SEMA3C: variants seen among roughly 807,000 people sequenced by gnomAD.
SEMA3C encodes the protein semaphorin 3C.
A neutral mutation model predicts 89.4 loss-of-function variants in SEMA3C; 47 were observed. The ratio of observed to expected loss-of-function variants is 0.53; its 90% CI spans 0.42 to 0.67. The LOEUF (loss-of-function observed/expected upper bound fraction) is 0.67. Among genes scored for constraint, SEMA3C ranks in the 30% least tolerant of loss-of-function variants. SEMA3C has a pLI of 0.00. For missense variants in SEMA3C, 839 were observed against 929.1 expected, an observed-to-expected ratio of 0.90 and a Z score of 1.26; for synonymous variants, 310 against 320.2, an observed-to-expected ratio of 0.97 and a Z score of 0.34.
At chr7:80,772,958 C>T (rs964227091) in intron 12 of SEMA3C, among the ~76,000 whole-genome samples, 1 of 152,022 alleles carries the variant, frequency 6.6e-6, no homozygotes, top group African/African-American at 2.4e-5. Flanking sequence ...CCACATCACA[C>T]CACAGACATA....
At chr7:80,766,943 C>T (rs908708820) in intron 12 of SEMA3C, among the ~76,000 whole-genome samples, 1 of 152,186 alleles carries the variant, frequency 6.6e-6, no homozygotes, top group African/African-American at 2.4e-5. Context: ...TGCTGGCAGG[C>T]CACCATGCCT....
chr7:80,845,907 C>T (rs1790377811), intron 2 of SEMA3C, among the ~76,000 whole-genome samples: 1 of 152,088 alleles, frequency 6.6e-6, no homozygotes, highest in South Asian at 2.1e-4. Flanking sequence ...TCACTCTGTC[C>T]CATTTGAAAT....
At chr7:80,830,656 G>T (rs1238048430) in intron 2 of SEMA3C, among the ~76,000 whole-genome samples, 2 of 152,086 alleles carry the variant, frequency 1.3e-5, no homozygotes, top group African/African-American at 2.4e-5. Flanking sequence ...CAAAAGACAG[G>T]TCATTAATAA....
chr7:80,822,027 T>C (rs1195287923), intron 4 of SEMA3C, among the ~76,000 whole-genome samples: 2 of 152,210 alleles, frequency 1.3e-5, no homozygotes, highest in African/African-American at 4.8e-5. Flanking sequence ...GTTCTTTCCA[T>C]TTCCATTGTG....
chr7:80,753,108 G>T (rs1787974924), intron 15 of SEMA3C, among the ~76,000 whole-genome samples: 1 of 152,076 alleles, frequency 6.6e-6, no homozygotes, highest in Non-Finnish European at 1.5e-5. Flanking sequence ...GGTAGAATAG[G>T]TATAAAATTT....
intron 2 of SEMA3C, among the ~76,000 whole-genome samples, chr7:80,866,351 T>A (rs1414741946): frequency 2.0e-5 from 3 of 152,112 alleles, no homozygotes; most frequent in African/African-American, 7.2e-5. Flanking sequence ...ATTTACACAA[T>A]AAAAACCATA....
Position 80,818,420 on chromosome 7 carries a change from T to G in SEMA3C, c.328-2A>C. The G allele has an allele frequency of 1.2e-6, 2 of 1,611,900 alleles. No individual in the cohort carries two copies. Among genetic ancestry groups the G allele is most frequent in the South Asian group, 1.1e-5 (1 of 91,002 alleles). On this transcript the variant is annotated splice_acceptor_variant, in intron 4 of 17. Coordinates refer to ENST00000265361, the MANE Select transcript of SEMA3C (RefSeq NM_006379.5). LOFTEE classifies it high-confidence loss of function. ...ACGGACAAAGTTCCCACAGCCGTGC[T>G]AAAAGAATCAGTAAATAAGCAGTTA...
At chr7:80,920,072 G>C (rs1440095872), upstream of SEMA3C, among the ~76,000 whole-genome samples, 2 of 152,178 alleles carry the variant, frequency 1.3e-5, no homozygotes, top group Non-Finnish European at 2.9e-5. Flanking sequence ...ACAATTCTAT[G>C]TGGAGAGGCT....
At chr7:80,831,456 A>G (rs1203755233) in intron 2 of SEMA3C, among the ~76,000 whole-genome samples, 1 of 152,240 alleles carries the variant, frequency 6.6e-6, no homozygotes, top group Non-Finnish European at 1.5e-5. Flanking sequence ...GGGGCAAGAC[A>G]TCAATCTTCA....
intron 2 of SEMA3C, among the ~76,000 whole-genome samples, chr7:80,829,493 T>G (rs1398579869): frequency 6.6e-6 from 1 of 152,178 alleles, no homozygotes; most frequent in Non-Finnish European, 1.5e-5. Context: ...CTACAAATAT[T>G]TGCCTTGCTT....
rs536007882 is a variant in SEMA3C, at chr7:80,823,219, C to T, written c.327+4206G>A. On this transcript the variant is annotated intron_variant, in intron 4 of 17. Coordinates refer to ENST00000265361, the MANE Select transcript of SEMA3C (RefSeq NM_006379.5). ...GATATAGCATTAACTGTGTACTATGCACTGCTCTAAGCTCTCTGCAAATAT... is the reference window on the plus strand; with the variant it reads ...GATATAGCATTAACTGTGTACTATGTACTGCTCTAAGCTCTCTGCAAATAT... 7.9e-5 allele frequency among the ~76,000 whole-genome samples: 12 copies of T among 152,276 alleles called. No individual in the cohort carries two copies. In the South Asian group the frequency reaches 1.9e-3, roughly 24 times the overall value.
intron 2 of SEMA3C, among the ~76,000 whole-genome samples, chr7:80,863,942 A>C (rs73374831): frequency 0.082 from 11,479 of 139,444 alleles, 694 homozygotes; most frequent in East Asian, 0.16. Context: ...TCACATATAT[A>C]ATATGTATAT....
intron 3 of SEMA3C, 127 bp from the exon 4 acceptor site, chr7:80,827,614 CT>C: frequency 1.9e-6 from 1 of 534,382 alleles, no homozygotes; most frequent in Non-Finnish European, 3.0e-6. Flanking sequence ...AAAATTCTTT[CT>C]TTTTTATCAA....
At chr7:80,875,774 G>A (rs1227221373) in intron 2 of SEMA3C, among the ~76,000 whole-genome samples, 1 of 151,612 alleles carries the variant, frequency 6.6e-6, no homozygotes, top group African/African-American at 2.4e-5. Flanking sequence ...GCCCCAAAGT[G>A]CAAGAGTAGT....
intron 2 of SEMA3C, among the ~76,000 whole-genome samples, chr7:80,851,780 G>A (rs780519110): frequency 4.0e-5 from 6 of 150,938 alleles, no homozygotes; most frequent in South Asian, 2.1e-4. Context: ...GATGTCAAGT[G>A]ATAAAGAAAA....
intron 13 of SEMA3C, among the ~76,000 whole-genome samples, 189 bp downstream of exon 13, chr7:80,764,966 T>C (rs1461724518): frequency 6.6e-6 from 1 of 152,226 alleles, no homozygotes; most frequent in East Asian, 1.9e-4. Context: ...ACTTGAAATG[T>C]AGGAAAATAC....
chr7:80,921,780 T>C (rs2116279172), upstream of SEMA3C, among the ~76,000 whole-genome samples: 1 of 152,350 alleles, frequency 6.6e-6, no homozygotes, highest in East Asian at 1.9e-4. Flanking sequence ...CTGAAGTGTC[T>C]CTGCCTGCCA....
At chr7:80,809,235 A>C (rs1182646408) in intron 6 of SEMA3C, among the ~76,000 whole-genome samples, 1 of 152,180 alleles carries the variant, frequency 6.6e-6, no homozygotes, top group African/African-American at 2.4e-5. Flanking sequence ...AAAGTGAAAA[A>C]ATGAAAAAAT....
At chr7:80,917,866 C>A (rs949150003) in intron 1 of SEMA3C, among the ~76,000 whole-genome samples, 1 of 152,108 alleles carries the variant, frequency 6.6e-6, no homozygotes, top group Non-Finnish European at 1.5e-5. Flanking sequence ...TTATTAAATT[C>A]TTTGTAAGAA....
Sources: allele counts gnomAD v4.1 joint callset (sites outside exome capture counted in the v4.1 genomes callset), GRCh38; gene constraint gnomAD v4.1.1; transcripts MANE v1.5; gene names NCBI Gene and HGNC (gene_info 2026-07-23, HGNC 2026-07-21).